The following UXS1 variants were observed in gnomAD, a reference collection of about 807,000 sequenced individuals.
UXS1 encodes the protein UDP-glucuronate decarboxylase 1, also known as UDP-glucuronic acid decarboxylase 1.
A neutral mutation model predicts 62.6 loss-of-function variants in UXS1; 33 were observed. That is an observed-to-expected ratio of 0.53 (90% CI 0.40 to 0.70). UXS1 has a LOEUF of 0.70. Ranked by LOEUF, UXS1 falls within the 30% of genes least tolerant of loss-of-function variation. UXS1 has a pLI of 0.00. For missense variants in UXS1, 434 were observed against 556.3 expected, an observed-to-expected ratio of 0.78 and a Z score of 2.21; for synonymous variants, 213 against 206.8, an observed-to-expected ratio of 1.03 and a Z score of -0.26.
intron 9 of UXS1, among the ~76,000 whole-genome samples, chr2:106,121,002 G>A (rs1679476627): frequency 6.6e-6 from 1 of 152,296 alleles, no homozygotes; most frequent in Admixed American, 6.5e-5. Context: ...TTAAGCTCCC[G>A]AGACCTATGT....
At chr2:106,124,511 CA>C (rs895553186) in intron 8 of UXS1, among the ~76,000 whole-genome samples, 104 of 152,348 alleles carry the variant, frequency 6.8e-4, no homozygotes, top group African/African-American at 2.3e-3. Context: ...AAATACTCCA[CA>C]AAAGTTTACT....
intron 1 of UXS1, among the ~76,000 whole-genome samples, chr2:106,187,454 T>G (rs750389135): frequency 1.3e-5 from 2 of 152,170 alleles, no homozygotes; most frequent in Non-Finnish European, 2.9e-5. Context: ...CCGAATGAAT[T>G]TATGAGGGCA....
chr2:106,170,840 T>C (rs1683509557), intron 1 of UXS1, among the ~76,000 whole-genome samples: 4 of 152,382 alleles, frequency 2.6e-5, no homozygotes, highest in African/African-American at 9.6e-5. Context: ...ATATTGCTTT[T>C]AAGTTTTTGC....
At chr2:106,101,372 A>T (rs1486678278) in intron 11 of UXS1, 1 of 436,954 alleles carries the variant, frequency 2.3e-6, no homozygotes, top group Non-Finnish European at 4.1e-6. Context: ...GTTAAATAGG[A>T]TGGAAGCTGA....
chr2:106,171,806 G>C (rs1446897241), intron 1 of UXS1, among the ~76,000 whole-genome samples: 1 of 152,212 alleles, frequency 6.6e-6, no homozygotes, highest in Non-Finnish European at 1.5e-5. Context: ...TTTCAAACTG[G>C]AAAGCATATG....
chr2:106,151,094 C>T (rs765560119), intron 5 of UXS1, among the ~76,000 whole-genome samples: 2 of 152,162 alleles, frequency 1.3e-5, no homozygotes, highest in African/African-American at 4.8e-5. Context: ...AAGTAGATAA[C>T]TTGTTTTGAT....
In UXS1 at chr2:106,150,710, G is replaced by A. The variant is rs367729629; in HGVS notation, c.292-5340C>T. On this transcript the variant is annotated intron_variant, in intron 5 of 14. Transcript: ENST00000283148. Reference sequence around the variant, plus strand: ...AGCCCGGGACAGGGTGGGAGGTGGCGGGGGGTAGGCAGAGACTCATTGCGG... The same window carrying A: ...AGCCCGGGACAGGGTGGGAGGTGGCAGGGGGTAGGCAGAGACTCATTGCGG... 6.6e-5 allele frequency among the ~76,000 whole-genome samples: 10 copies of A among 152,286 alleles called. No homozygotes were observed. The East Asian group carries it at 1.5e-3, about 24-fold the overall frequency.
In UXS1 at chr2:106,180,495, G is replaced by A. The variant is rs955294893; in HGVS notation, c.94+13653C>T. On this transcript the variant is annotated intron_variant, in intron 1 of 14. Coordinates refer to ENST00000283148, the MANE Select transcript of UXS1 (RefSeq NM_001253875.2). ...AGAAAGCTCTGCAATAAGTATTTCA[G>A]TAACAATTATGTGACTAATTCTTAG... 1.2e-4 allele frequency among the ~76,000 whole-genome samples: 18 copies of A among 152,160 alleles called. 1 individual carries two copies. Among genetic ancestry groups the A allele is most frequent in the Non-Finnish European group, 4.4e-5 (3 of 68,038 alleles).
Position 106,194,228 on chromosome 2 carries a change from G to T in UXS1, c.14C>A (p.Ala5Glu). 3 of 1,450,444 alleles carry T rather than the reference G, an allele frequency of 2.1e-6. No homozygotes were observed. Among genetic ancestry groups the T allele is most frequent in the Non-Finnish European group, 2.7e-6 (3 of 1,096,980 alleles). The allele number at this position is 1,450,444 out of a possible 1,614,324, so 89.8% of individuals were successfully genotyped here. Residue 5 changes from alanine to glutamate, a missense_variant, in exon 1 of 15, where the codon GCG becomes GAG. Transcript: ENST00000283148. ...GACGGCAGACACGAGGCGCAGCAGCGCCTTGCTCACCATCCCCGGGAGCCG... is the reference window on the plus strand; with the variant it reads ...GACGGCAGACACGAGGCGCAGCAGCTCCTTGCTCACCATCCCCGGGAGCCG... MVSK[A>E]LLRLVSAVNR...
chr2:106,137,177 C>A (rs1356964733), intron 6 of UXS1, among the ~76,000 whole-genome samples: 4 of 152,082 alleles, frequency 2.6e-5, no homozygotes, highest in South Asian at 2.1e-4. Context: ...TTCCCACCCC[C>A]ACAAGTTATT....
intron 6 of UXS1, among the ~76,000 whole-genome samples, chr2:106,141,424 G>C (rs879702823): frequency 5.9e-5 from 9 of 152,166 alleles, no homozygotes; most frequent in Non-Finnish European, 1.0e-4. Flanking sequence ...GCAAGAGGAA[G>C]ACTTTAACTT....
chr2:106,191,630 G>A (rs1186815548), intron 1 of UXS1, among the ~76,000 whole-genome samples: 1 of 152,218 alleles, frequency 6.6e-6, no homozygotes, highest in Non-Finnish European at 1.5e-5. Context: ...CCTCATGGCT[G>A]TAATTTTGTT....
intron 6 of UXS1, among the ~76,000 whole-genome samples, chr2:106,141,116 G>C (rs17032493): frequency 0.03 from 4,603 of 152,256 alleles, 93 homozygotes; most frequent in East Asian, 0.065. Context: ...TTCATAAGAA[G>C]ACGACTTGCT....
In UXS1 at chr2:106,148,877, G is replaced by T. The variant is rs528303362; in HGVS notation, c.292-3507C>A. ...AAGTAAGACCTCTTACACTGAGATG[G>T]ATTAGAACTTACACGGCTTTGCATG... On this transcript the variant is annotated intron_variant, in intron 5 of 14. Transcript: ENST00000283148. Among the ~76,000 whole-genome samples, 7 of 152,298 alleles carry T rather than the reference G, an allele frequency of 4.6e-5. No individual in the cohort carries two copies. The South Asian group carries it at 1.5e-3, about 32-fold the overall frequency.
At chr2:106,176,767 G>A (rs529035176) in intron 1 of UXS1, among the ~76,000 whole-genome samples, 3 of 152,290 alleles carry the variant, frequency 2.0e-5, no homozygotes, top group South Asian at 2.1e-4. Context: ...TCTAGCAACC[G>A]GCATGCTCCA....
chr2:106,095,610 AGT>A (rs1287072942), intron 14 of UXS1, among the ~76,000 whole-genome samples: 1 of 152,198 alleles, frequency 6.6e-6, no homozygotes, highest in East Asian at 1.9e-4. Flanking sequence ...TTGAGCACCC[AGT>A]GTGTGTCAGG....
chr2:106,110,990 A>G (rs1006888407), intron 10 of UXS1, among the ~76,000 whole-genome samples: 1 of 152,204 alleles, frequency 6.6e-6, no homozygotes, highest in Non-Finnish European at 1.5e-5. Context: ...GCAAGGGAGC[A>G]AGGAAGCCCG....
chr2:106,110,473 A>G (rs1678496800), intron 10 of UXS1, among the ~76,000 whole-genome samples: 1 of 152,226 alleles, frequency 6.6e-6, no homozygotes, highest in Admixed American at 6.5e-5. Context: ...CACAGCATGA[A>G]GGAGTTTCTG....
At chr2:106,111,218 G>A (rs1030496304) in intron 10 of UXS1, among the ~76,000 whole-genome samples, 1 of 152,168 alleles carries the variant, frequency 6.6e-6, no homozygotes, top group African/African-American at 2.4e-5. Flanking sequence ...GATCTACCTA[G>A]GGAGGGCACG....
Sources: allele counts gnomAD v4.1 joint callset (sites outside exome capture counted in the v4.1 genomes callset), GRCh38; gene constraint gnomAD v4.1.1; transcripts MANE v1.5; gene names NCBI Gene and HGNC (gene_info 2026-07-23, HGNC 2026-07-21).